Variants in TRABD2B observed in about 807,000 individuals in gnomAD.
The protein encoded by TRABD2B is metalloprotease TIKI2.
TRABD2B carries 14 observed loss-of-function variants against 40.1 expected under a neutral mutation model. The observed-to-expected ratio is 0.35, with a 90% CI of 0.23 to 0.55. The LOEUF (loss-of-function observed/expected upper bound fraction) is 0.55, where lower values mean the gene tolerates loss of function less well. Among genes scored for constraint, TRABD2B ranks in the 20% least tolerant of loss-of-function variants. TRABD2B has a pLI of 0.90. For synonymous variants in TRABD2B, 263 were observed against 277.0 expected (o/e 0.95, Z 0.50); for missense variants, 541 against 648.6 (o/e 0.83, Z 1.80).
chr1:47,778,851 C>G (rs1407543136), intron 4 of TRABD2B, among the ~76,000 whole-genome samples: 1 of 152,196 alleles, frequency 6.6e-6, no homozygotes, highest in Admixed American at 6.5e-5. Context: ...TAAAAAACAG[C>G]TACCTGCACG....
intron 2 of TRABD2B, among the ~76,000 whole-genome samples, chr1:47,896,005 G>C (rs866886566): frequency 6.6e-6 from 1 of 152,238 alleles, no homozygotes; most frequent in African/African-American, 2.4e-5. Context: ...GCTGCCGGGG[G>C]CATGGTGCCC....
chr1:47,846,869 C>CACAT (rs1437919639), intron 2 of TRABD2B, among the ~76,000 whole-genome samples: 7 of 151,452 alleles, frequency 4.6e-5, no homozygotes, highest in Middle Eastern at 3.4e-3. Flanking sequence ...CACACACACA[C>CACAT]ACACACACAC....
At chr1:47,766,506 C>T (rs1033507314) in intron 6 of TRABD2B, among the ~76,000 whole-genome samples, 10 of 152,180 alleles carry the variant, frequency 6.6e-5, no homozygotes, top group African/African-American at 7.2e-5. Context: ...CCTTGCAGAC[C>T]GCCAAAACAC....
intron 2 of TRABD2B, among the ~76,000 whole-genome samples, chr1:47,979,574 A>G (rs1276835897): frequency 1.3e-5 from 2 of 152,114 alleles, no homozygotes; most frequent in African/African-American, 2.4e-5. Context: ...CTATTCACCG[A>G]CCAAGGATCC....
chr1:47,824,690 T>C (rs768118851), intron 2 of TRABD2B, among the ~76,000 whole-genome samples: 24 of 152,162 alleles, frequency 1.6e-4, no homozygotes, highest in Non-Finnish European at 3.1e-4. Context: ...TGAGAGCAGG[T>C]GCAGGATGAA....
chr1:47,880,437 A>T (rs1313740939), intron 2 of TRABD2B, among the ~76,000 whole-genome samples: 1 of 152,242 alleles, frequency 6.6e-6, no homozygotes, highest in Admixed American at 6.5e-5. Flanking sequence ...TTGAATCAGG[A>T]AACAATAATT....
intron 2 of TRABD2B, among the ~76,000 whole-genome samples, chr1:47,993,073 G>A (rs1646035718): frequency 6.6e-6 from 1 of 152,236 alleles, no homozygotes; most frequent in Non-Finnish European, 1.5e-5. Context: ...TTCTGGTCCA[G>A]CCAATTTATG....
chr1:47,856,593 G>A (rs1222248738), intron 2 of TRABD2B, among the ~76,000 whole-genome samples: 2 of 152,164 alleles, frequency 1.3e-5, no homozygotes, highest in Non-Finnish European at 2.9e-5. Context: ...GAGAGGCTCA[G>A]AGTTTTTCCA....
intron 6 of TRABD2B, 115 bp from the exon 7 acceptor site, chr1:47,766,221 G>C: frequency 4.7e-6 from 3 of 633,476 alleles, no homozygotes; most frequent in Middle Eastern, 8.3e-4. Context: ...AATGGAGAAG[G>C]GAACAAGGAG....
At chr1:47,974,068 C>T (rs1011903567) in intron 2 of TRABD2B, among the ~76,000 whole-genome samples, 1 of 152,148 alleles carries the variant, frequency 6.6e-6, no homozygotes, top group African/African-American at 2.4e-5. Flanking sequence ...CACACCACAC[C>T]ACTGCACTCT....
intron 2 of TRABD2B, among the ~76,000 whole-genome samples, chr1:47,915,812 C>A (rs923353275): frequency 6.6e-6 from 1 of 152,186 alleles, no homozygotes; most frequent in Non-Finnish European, 1.5e-5. Context: ...CTGTGCCGGA[C>A]CCTGGGAGCT....
intron 2 of TRABD2B, among the ~76,000 whole-genome samples, chr1:47,906,912 C>T (rs572136172): frequency 6.8e-4 from 104 of 152,350 alleles, no homozygotes; most frequent in Admixed American, 5.6e-3. Flanking sequence ...GGTCCCCCTC[C>T]GGCAATAGGC....
chr1:47,945,620 GTC>G (rs1436452410), intron 2 of TRABD2B, among the ~76,000 whole-genome samples: 2 of 152,052 alleles, frequency 1.3e-5, no homozygotes, highest in African/African-American at 4.8e-5. Flanking sequence ...GATGTTTTCT[GTC>G]TCTATAGTTT....
intron 2 of TRABD2B, among the ~76,000 whole-genome samples, chr1:47,986,790 C>T (rs539631218): frequency 6.6e-6 from 1 of 152,172 alleles, no homozygotes; most frequent in African/African-American, 2.4e-5. Flanking sequence ...TTTTGTGTTC[C>T]AGCGGATATA....
intron 2 of TRABD2B, among the ~76,000 whole-genome samples, chr1:47,926,380 T>TGG (rs1644969393): frequency 6.6e-6 from 1 of 152,208 alleles, no homozygotes; most frequent in African/African-American, 2.4e-5. Flanking sequence ...TCATGGCTCC[T>TGG]GGGGGCTCCT....
intron 2 of TRABD2B, among the ~76,000 whole-genome samples, chr1:47,936,874 CCACCAT>C (rs1645113721): frequency 6.8e-6 from 1 of 147,778 alleles, no homozygotes; most frequent in Non-Finnish European, 1.5e-5. Context: ...ACCACCACCA[CCACCAT>C]CACCATCACT....
rs1184675268 is a variant in TRABD2B at position 47,997,030 on chromosome 1, C to T, written c.-241G>A. ...TGGGCCCCTCCCCCGGGCGCTCAAC[C>T]TCGCTGGCCGAGCCCCCGGGTGCTG... On this transcript the variant is annotated 5_prime_UTR_variant, in exon 1 of 7. Transcript: ENST00000606738. 2.8e-5 allele frequency: 30 copies of T among 1,064,660 alleles called. No individual in the cohort carries two copies. The highest frequency in any genetic ancestry group is 4.2e-4 in the Middle Eastern group (1 of 2,358). 66.0% of individuals were successfully genotyped at this position (1,064,660 alleles called of 1,614,324 possible).
intron 2 of TRABD2B, among the ~76,000 whole-genome samples, chr1:47,993,749 G>T (rs1398432022): frequency 6.6e-6 from 1 of 152,120 alleles, no homozygotes; most frequent in African/African-American, 2.4e-5. Context: ...AATTCTTTCT[G>T]CCCAGGCAAG....
chr1:47,910,280 G>A (rs928558494), intron 2 of TRABD2B, among the ~76,000 whole-genome samples: 2 of 152,146 alleles, frequency 1.3e-5, no homozygotes, highest in Non-Finnish European at 2.9e-5. Flanking sequence ...TAAATAAAGT[G>A]TCCAAGGTCA....
Sources: allele counts gnomAD v4.1 joint callset (sites outside exome capture counted in the v4.1 genomes callset), GRCh38; gene constraint gnomAD v4.1.1; transcripts MANE v1.5; gene names NCBI Gene and HGNC (gene_info 2026-07-23, HGNC 2026-07-21).